The following CABYR variants were observed in gnomAD, a reference collection of about 807,000 sequenced individuals.
CABYR encodes calcium binding tyrosine phosphorylation regulated, also known as calcium-binding tyrosine phosphorylation-regulated protein.
In CABYR, 31 loss-of-function variants were observed where a neutral mutation model predicts 36.1. The observed-to-expected ratio is 0.86, with a 90% CI of 0.64 to 1.16. The LOEUF (loss-of-function observed/expected upper bound fraction) is 1.16, where lower values mean the gene tolerates loss of function less well. CABYR is among the 50% of genes most tolerant of loss of function. The pLI is 0.00. For synonymous variants in CABYR, 146 were observed against 160.7 expected (o/e 0.91, Z 0.69); for missense variants, 429 against 455.8 (o/e 0.94, Z 0.53).
At chr18:24,146,580 G>C (rs2085464582) in intron 3 of CABYR, among the ~76,000 whole-genome samples, 2 of 151,852 alleles carry the variant, frequency 1.3e-5, no homozygotes, top group Admixed American at 1.3e-4. Flanking sequence ...TGCAGTCACA[G>C]GAAAAGAGTG....
chr18:24,152,467 AG>A (rs1320514891), intron 3 of CABYR, among the ~76,000 whole-genome samples: 1 of 152,216 alleles, frequency 6.6e-6, no homozygotes, highest in Non-Finnish European at 1.5e-5. Context: ...AGAAAGTTGC[AG>A]GGAAGAAAAC....
rs1309634077 is a variant in CABYR at position 24,159,845 on chromosome 18, C to T, written c.915C>T (p.Tyr305=). The change falls in exon 5 of 6, where the codon TAC becomes TAT. Residue 305 remains tyrosine (Y), a synonymous_variant. Transcript: ENST00000399496. ...VPIAVPADEK[Y]QKHTLSPQNA... ...TTGCTGTTCCTGCAGATGAGAAATA[C>T]CAGAAACATACCCTAAGTCCCCAGA... 2.5e-6 allele frequency: 4 copies of T among 1,614,070 alleles called. No homozygotes were observed. The highest frequency in any genetic ancestry group is 3.4e-6 in the Non-Finnish European group (4 of 1,180,008).
chr18:24,149,040 T>TC (rs1443816479), intron 3 of CABYR, among the ~76,000 whole-genome samples: 4 of 152,196 alleles, frequency 2.6e-5, no homozygotes, highest in Non-Finnish European at 5.9e-5. Flanking sequence ...GACAGGGTGC[T>TC]GATTGGTGCG....
intron 3 of CABYR, among the ~76,000 whole-genome samples, chr18:24,151,294 A>G (rs2085625602): frequency 1.3e-5 from 2 of 152,214 alleles, no homozygotes; most frequent in Non-Finnish European, 2.9e-5. Flanking sequence ...CTTAAAAAGG[A>G]ACTTTTTTAC....
intron 1 of CABYR, among the ~76,000 whole-genome samples, chr18:24,140,807 G>C (rs1036080181): frequency 2.0e-5 from 3 of 149,840 alleles, no homozygotes; most frequent in African/African-American, 7.4e-5. Flanking sequence ...TTTCCTTTCT[G>C]TGCCTCACTT....
At chr18:24,156,733 T>C (rs1255808154) in intron 4 of CABYR, 1 of 1,614,178 alleles carries the variant, frequency 6.2e-7, no homozygotes, top group Non-Finnish European at 8.5e-7. Flanking sequence ...GCTATCAAAA[T>C]AGGCTCTGAA....
chr18:24,141,128 T>C (rs538166906), intron 1 of CABYR, among the ~76,000 whole-genome samples: 3 of 152,342 alleles, frequency 2.0e-5, no homozygotes, highest in East Asian at 3.9e-4. Flanking sequence ...TTGAATGATA[T>C]CGTAAAAGGA....
At chr18:24,151,876 G>A (rs1376228456) in intron 3 of CABYR, among the ~76,000 whole-genome samples, 1 of 152,096 alleles carries the variant, frequency 6.6e-6, no homozygotes, top group Non-Finnish European at 1.5e-5. Flanking sequence ...TTTTAGTAGA[G>A]ACAGAATTTC....
At chr18:24,140,674 A>C (rs891977122) in intron 1 of CABYR, among the ~76,000 whole-genome samples, 4 of 151,512 alleles carry the variant, frequency 2.6e-5, no homozygotes, top group Admixed American at 6.6e-5. Context: ...AACCAGCCCC[A>C]CTTTCCCCCT....
chr18:24,156,826 C>A, intron 4 of CABYR: 1 of 1,614,020 alleles, frequency 6.2e-7, no homozygotes, highest in Non-Finnish European at 8.5e-7. Context: ...AACTCTGTAC[C>A]CCAGGAGATG....
intron 3 of CABYR, among the ~76,000 whole-genome samples, chr18:24,144,652 T>C (rs1046866948): frequency 6.6e-6 from 1 of 152,146 alleles, no homozygotes; most frequent in African/African-American, 2.4e-5. Flanking sequence ...GTTATGCCTC[T>C]ACCAGAGGTA....
chr18:24,140,886 T>C (rs2085305231), intron 1 of CABYR, among the ~76,000 whole-genome samples: 1 of 152,238 alleles, frequency 6.6e-6, no homozygotes, highest in South Asian at 2.1e-4. Context: ...CATTCTTTTT[T>C]AATGGCTGAA....
chr18:24,148,799 CT>C (rs775677344), intron 3 of CABYR: 1 of 149,698 alleles, frequency 6.7e-6, no homozygotes, highest in Non-Finnish European at 1.5e-5. Flanking sequence ...GTCTTGCTGG[CT>C]TCAGGAGTGA....
intron 3 of CABYR, among the ~76,000 whole-genome samples, chr18:24,147,348 A>C (rs2085485747): frequency 6.6e-6 from 1 of 151,856 alleles, no homozygotes; most frequent in Admixed American, 6.6e-5. Context: ...CTTACAGATG[A>C]TCCAATTGAC....
chr18:24,143,983 T>C (rs2039543443), intron 3 of CABYR, among the ~76,000 whole-genome samples: 2 of 152,148 alleles, frequency 1.3e-5, no homozygotes, highest in South Asian at 4.1e-4. Context: ...CTGCAACCTC[T>C]GCCTCCCGGG....
intron 3 of CABYR, among the ~76,000 whole-genome samples, chr18:24,153,747 C>CAA (rs2085698109): frequency 1.3e-5 from 2 of 152,096 alleles, no homozygotes; most frequent in African/African-American, 4.8e-5. Flanking sequence ...ATGATGGAAA[C>CAA]AATGTATTTT....
rs2085892139 is a variant in CABYR, at chr18:24,159,590, T to TC, written c.664dup (p.Gln222ProfsTer8). ...CACCGCCACCTGCACCTGGGCCTTT[T>TC]CCCCAAGCAACCCTCTATTTACCTA... On this transcript the variant is annotated frameshift_variant, in exon 5 of 6. Coordinates refer to ENST00000399496, the MANE Select transcript of CABYR (RefSeq NM_153769.3). LOFTEE classifies it high-confidence loss of function. 6.2e-7 allele frequency: 1 copy of TC among 1,614,034 alleles called. No homozygotes were observed. Among genetic ancestry groups the TC allele is most frequent in the Non-Finnish European group, 8.5e-7 (1 of 1,180,006 alleles).
rs553482793 is a variant in CABYR at position 24,141,252 on chromosome 18, T to C, written c.-24-1839T>C. ...GGAAGATGAGATGTGTTTTTAAGTA[T>C]TGAACATTTTGCTATGAGATATTCG... On this transcript the variant is annotated intron_variant, in intron 1 of 5. Transcript: ENST00000399496. 1.2e-4 allele frequency among the ~76,000 whole-genome samples: 19 copies of C among 152,354 alleles called. No homozygotes were observed. The East Asian group carries it at 3.1e-3, about 25-fold the overall frequency.
intron 3 of CABYR, chr18:24,148,610 C>G (rs1224171045): frequency 6.4e-6 from 1 of 155,568 alleles, no homozygotes; most frequent in Admixed American, 6.5e-5. Flanking sequence ...AGTTACAGCT[C>G]CTAAGGTGGC....
Sources: gnomAD v4.1 joint callset for allele counts (sites outside exome capture counted in the v4.1 genomes callset) on GRCh38, gnomAD v4.1.1 for gene constraint, MANE v1.5 for transcripts, NCBI Gene and HGNC (gene_info 2026-07-23, HGNC 2026-07-21) for gene names.